EPHB1: variants seen among roughly 807,000 people sequenced by gnomAD.
The protein encoded by EPHB1 is ephrin type-B receptor 1.
EPHB1 carries 30 observed loss-of-function variants against 94.4 expected under a neutral mutation model. That is an observed-to-expected ratio of 0.32 (90% CI 0.24 to 0.43). The LOEUF (loss-of-function observed/expected upper bound fraction) is 0.43. Among genes scored for constraint, EPHB1 ranks in the 20% least tolerant of loss-of-function variants. The pLI is 1.00. For missense variants in EPHB1, 1,055 were observed against 1,308.3 expected, an observed-to-expected ratio of 0.81 and a Z score of 2.99; for synonymous variants, 522 against 489.1, an observed-to-expected ratio of 1.07 and a Z score of -0.89.
At chr3:135,243,149 C>T (rs1394590179) in intron 13 of EPHB1, among the ~76,000 whole-genome samples, 1 of 150,876 alleles carries the variant, frequency 6.6e-6, no homozygotes, top group Admixed American at 6.6e-5. Context: ...AGACCTTAAT[C>T]TGACTAAGAA....
chr3:134,961,120 C>A (rs184607058), intron 3 of EPHB1, among the ~76,000 whole-genome samples: 70 of 152,300 alleles, frequency 4.6e-4, no homozygotes, highest in Non-Finnish European at 2.1e-4. Flanking sequence ...TTATTGGGCA[C>A]CAACTGGTAC....
chr3:134,857,123 G>A (rs1194693474), intron 1 of EPHB1, among the ~76,000 whole-genome samples: 4 of 152,224 alleles, frequency 2.6e-5, no homozygotes, highest in Admixed American at 6.5e-5. Flanking sequence ...GAAGCCAAAT[G>A]AGCCAGCCTT....
chr3:134,843,392 G>A (rs1578130500), intron 1 of EPHB1, among the ~76,000 whole-genome samples: 1 of 152,182 alleles, frequency 6.6e-6, no homozygotes, highest in East Asian at 1.9e-4. Context: ...GGAGTTCATT[G>A]GGATTTTTGG....
chr3:134,930,443 A>G (rs1000465674), intron 2 of EPHB1, among the ~76,000 whole-genome samples: 2 of 152,234 alleles, frequency 1.3e-5, no homozygotes, highest in Non-Finnish European at 1.5e-5. Context: ...ACAAAGTAAC[A>G]AATGCCAGGG....
intron 3 of EPHB1, among the ~76,000 whole-genome samples, chr3:134,984,485 C>G (rs1424829500): frequency 1.3e-5 from 2 of 152,184 alleles, no homozygotes; most frequent in Non-Finnish European, 2.9e-5. Flanking sequence ...TCAGAACAAA[C>G]AGAATATTTA....
chr3:134,825,868 A>G (rs1336863891), intron 1 of EPHB1, among the ~76,000 whole-genome samples: 2 of 152,038 alleles, frequency 1.3e-5, no homozygotes, highest in Admixed American at 6.5e-5. Context: ...CTCATCTTTT[A>G]TCATTCCTTG....
intron 3 of EPHB1, among the ~76,000 whole-genome samples, chr3:135,001,368 T>C (rs1167360288): frequency 6.6e-6 from 1 of 152,198 alleles, no homozygotes; most frequent in African/African-American, 2.4e-5. Context: ...GTCCAGGGCT[T>C]GCAGGGATAA....
intron 10 of EPHB1, among the ~76,000 whole-genome samples, chr3:135,188,282 G>A (rs1942381074): frequency 6.6e-6 from 1 of 151,814 alleles, no homozygotes; most frequent in African/African-American, 2.4e-5. Flanking sequence ...AGATCACGAG[G>A]TCAGGAGTTC....
intron 13 of EPHB1, among the ~76,000 whole-genome samples, chr3:135,243,491 T>G (rs1943844800): frequency 6.6e-6 from 1 of 152,182 alleles, no homozygotes; most frequent in African/African-American, 2.4e-5. Context: ...ATTCTAATTT[T>G]GCGTGCTCCT....
chr3:134,880,457 G>T (rs2037709310), intron 1 of EPHB1, among the ~76,000 whole-genome samples: 1 of 152,320 alleles, frequency 6.6e-6, no homozygotes, highest in South Asian at 2.1e-4. Context: ...TTCCTCCTTT[G>T]TCCATTCCTC....
chr3:134,919,474 C>T (rs1197156239), intron 1 of EPHB1, among the ~76,000 whole-genome samples: 5 of 152,222 alleles, frequency 3.3e-5, no homozygotes, highest in Non-Finnish European at 7.3e-5. Flanking sequence ...GAGGCCAATT[C>T]AGACGGGTAG....
At chr3:135,002,632 C>G (rs1051014671) in intron 3 of EPHB1, among the ~76,000 whole-genome samples, 3 of 152,056 alleles carry the variant, frequency 2.0e-5, no homozygotes, top group African/African-American at 7.2e-5. Context: ...GCCACAACTT[C>G]AGATCCTGTT....
chr3:134,965,881 A>T (rs1933722622), intron 3 of EPHB1, among the ~76,000 whole-genome samples: 1 of 152,174 alleles, frequency 6.6e-6, no homozygotes, highest in African/African-American at 2.4e-5. Flanking sequence ...TGGGAGGCAG[A>T]AGTGCCTGCA....
At chr3:134,829,581 G>C (rs1488180477) in intron 1 of EPHB1, among the ~76,000 whole-genome samples, 1 of 152,090 alleles carries the variant, frequency 6.6e-6, no homozygotes, top group Non-Finnish European at 1.5e-5. Flanking sequence ...TTCAGACCTA[G>C]AGAAAAGTTT....
intron 1 of EPHB1, among the ~76,000 whole-genome samples, chr3:134,812,463 G>C (rs2036195837): frequency 6.6e-6 from 1 of 152,176 alleles, no homozygotes; most frequent in Non-Finnish European, 1.5e-5. Flanking sequence ...TTTTATTGCT[G>C]AGTAGCATTC....
intron 3 of EPHB1, among the ~76,000 whole-genome samples, chr3:135,004,805 T>C (rs537198174): frequency 5.3e-5 from 8 of 152,068 alleles, no homozygotes; most frequent in African/African-American, 1.9e-4. Flanking sequence ...GGTTTTCAGC[T>C]CCATCAGCTC....
At chr3:135,152,827 A>G (rs1941234898) in intron 5 of EPHB1, among the ~76,000 whole-genome samples, 1 of 152,158 alleles carries the variant, frequency 6.6e-6, no homozygotes, top group Admixed American at 6.5e-5. Flanking sequence ...GAGTGCAGGA[A>G]CTGGAGCTGT....
chr3:134,989,491 G>A lies in EPHB1; in HGVS notation c.805+37439G>A, dbSNP rs569724010. ...AATACACACGCCTGCACACGCACGC[G>A]CGCGTGCACACACACACACACACAC... is the stretch of plus-strand genomic sequence containing the variant. On this transcript the variant is annotated intron_variant, in intron 3 of 15. Transcript: ENST00000398015. Among the ~76,000 whole-genome samples, 76 of 123,938 alleles carry A rather than the reference G, an allele frequency of 6.1e-4. 1 individual carries two copies. The highest frequency in any genetic ancestry group is 4.0e-3 in the Middle Eastern group (1 of 248). The allele number at this position is 123,938 out of a possible 152,430, so 81.3% of individuals were successfully genotyped here.
At chr3:134,957,111 C>A (rs1429939847) in intron 3 of EPHB1, among the ~76,000 whole-genome samples, 7 of 152,112 alleles carry the variant, frequency 4.6e-5, no homozygotes, top group African/African-American at 1.7e-4. Flanking sequence ...ACTCTCCAAG[C>A]CCAAGAGAGC....
Sources: gnomAD v4.1 joint callset for allele counts (sites outside exome capture counted in the v4.1 genomes callset) on GRCh38, gnomAD v4.1.1 for gene constraint, MANE v1.5 for transcripts, NCBI Gene and HGNC (gene_info 2026-07-23, HGNC 2026-07-21) for gene names.